TNFRSF10C: variants seen among roughly 807,000 people sequenced by gnomAD.
The protein encoded by TNFRSF10C is TNF receptor superfamily member 10c.
Under a neutral mutation model 16.7 loss-of-function variants are expected in TNFRSF10C, and 17 were observed. The ratio of observed to expected loss-of-function variants is 1.02; its 90% CI spans 0.70 to 1.53. The LOEUF is 1.53. TNFRSF10C is among the 40% of genes most tolerant of loss of function. The pLI is 0.00. For synonymous variants in TNFRSF10C, 73 were observed against 119.7 expected, an observed-to-expected ratio of 0.61 and a Z score of 2.55; for missense variants, 237 against 329.7, an observed-to-expected ratio of 0.72 and a Z score of 2.18.
At chr8:23,113,129 T>C (rs997352476) in intron 2 of TNFRSF10C, among the ~76,000 whole-genome samples, 7 of 152,232 alleles carry the variant, frequency 4.6e-5, no homozygotes, top group Non-Finnish European at 1.0e-4. Flanking sequence ...CCCACGCCCA[T>C]GTATCCATTT....
At chr8:23,115,388 A>AGGG in intron 3 of TNFRSF10C, 120 bp from the exon 4 acceptor site, 1 of 716,216 alleles carries the variant, frequency 1.4e-6, no homozygotes. Context: ...TGGTGCAGAA[A>AGGG]CTGGCCCTTA....
At position 23,115,664 on chromosome 8, in the gene TNFRSF10C, G is replaced by T. The variant is rs375537118; in HGVS notation, c.389+48G>T. 51 of 1,494,134 alleles carry T rather than the reference G, an allele frequency of 3.4e-5. 1 individual carries two copies. The South Asian group carries it at 5.5e-4, about 16-fold the overall frequency. 92.6% of individuals were successfully genotyped at this position (1,494,134 alleles called of 1,614,324 possible). A position where few individuals can be genotyped will look rare whatever the true frequency, so the allele number is the denominator to read the frequency against. ...CTGACAGCTTTCAGGAACCCGAGAAGACCTGAGTCACCTGGTACCCCTATT... is the reference window on the plus strand; with the variant it reads ...CTGACAGCTTTCAGGAACCCGAGAATACCTGAGTCACCTGGTACCCCTATT... On this transcript the variant is annotated intron_variant, in intron 4 of 4. Transcript: ENST00000356864.
At chr8:23,103,460 G>A in intron 1 of TNFRSF10C, 1 of 592,226 alleles carries the variant, frequency 1.7e-6, no homozygotes, top group Non-Finnish European at 3.0e-6. Context: ...AGTCAAGGTG[G>A]AACCCATAGA....
chr8:23,115,758 GC>G, intron 4 of TNFRSF10C, 142 bp downstream of exon 4: 1 of 591,170 alleles, frequency 1.7e-6, no homozygotes. Context: ...TCTTGGGTCT[GC>G]AGTGGCCGCT....
chr8:23,110,033 C>T (rs957561846), intron 1 of TNFRSF10C, among the ~76,000 whole-genome samples: 1 of 123,514 alleles, frequency 8.1e-6, no homozygotes, highest in East Asian at 2.7e-4. Context: ...CTGCACTCTG[C>T]GCTCCAACAT....
Position 23,117,136 on chromosome 8 carries a change from G to A in TNFRSF10C, c.*105G>A. ...ACTCTCTGCCCTGCCTCCCTCTGCT[G>A]TGTTCCCACAGACAGAAACGCCTGC... is the stretch of plus-strand genomic sequence containing the variant. On this transcript the variant is annotated 3_prime_UTR_variant, in exon 5 of 5. Coordinates refer to ENST00000356864, the MANE Select transcript of TNFRSF10C (RefSeq NM_003841.5). 3 of 1,506,352 alleles carry A rather than the reference G, an allele frequency of 2.0e-6. No homozygotes were observed. The highest frequency in any genetic ancestry group is 1.8e-6 in the Non-Finnish European group (2 of 1,126,076). 93.3% of individuals were successfully genotyped at this position (1,506,352 alleles called of 1,614,324 possible).
At chr8:23,103,993 AGTTT>A (rs1813720536) in intron 1 of TNFRSF10C, among the ~76,000 whole-genome samples, 1 of 152,276 alleles carries the variant, frequency 6.6e-6, no homozygotes, top group Non-Finnish European at 1.5e-5. Context: ...AAACCATGAG[AGTTT>A]GCATGTTGTC....
chr8:23,108,627 T>TA (rs1211779468), intron 1 of TNFRSF10C, among the ~76,000 whole-genome samples: 6 of 152,246 alleles, frequency 3.9e-5, no homozygotes, highest in African/African-American at 1.4e-4. Context: ...ACAAATTGTA[T>TA]ATGCCTAGTA....
Position 23,117,139 on chromosome 8 carries a change from T to C in TNFRSF10C, c.*108T>C. On this transcript the variant is annotated 3_prime_UTR_variant, in exon 5 of 5. Coordinates refer to ENST00000356864, the MANE Select transcript of TNFRSF10C (RefSeq NM_003841.5). ...CTCTGCCCTGCCTCCCTCTGCTGTG[T>C]TCCCACAGACAGAAACGCCTGCCCC... 1 of 1,499,554 alleles carries C rather than the reference T, an allele frequency of 6.7e-7. No individual in the cohort carries two copies. Among genetic ancestry groups the C allele is most frequent in the East Asian group, 2.3e-5 (1 of 44,274 alleles). The allele number at this position is 1,499,554 out of a possible 1,614,324, so 92.9% of individuals were successfully genotyped here. A position where few individuals can be genotyped will look rare whatever the true frequency, so the allele number is the denominator to read the frequency against.
In TNFRSF10C at chr8:23,103,061, GC is replaced by G; in HGVS notation, c.-59del. The G allele has an allele frequency of 6.3e-7, 1 of 1,584,500 alleles. No homozygotes were observed. ...GGAACTCTGGGGACAGAGCGCCCCG[GC>G]CGCCTGATGGCCGAGGCAGGGTGCG... On this transcript the variant is annotated 5_prime_UTR_variant, in exon 1 of 5. Coordinates refer to ENST00000356864, the MANE Select transcript of TNFRSF10C (RefSeq NM_003841.5).
At position 23,115,636 on chromosome 8, in the gene TNFRSF10C, C is replaced by T; in HGVS notation, c.389+20C>T. On this transcript the variant is annotated intron_variant, in intron 4 of 4. Transcript: ENST00000356864. ...TAGCAGGTGAGACAGCAGTCAGGGGCTCCTGACAGCTTTCAGGAACCCGAG... is the reference window on the plus strand; with the variant it reads ...TAGCAGGTGAGACAGCAGTCAGGGGTTCCTGACAGCTTTCAGGAACCCGAG... 1.3e-6 allele frequency: 2 copies of T among 1,597,122 alleles called. No homozygotes were observed. Among genetic ancestry groups the T allele is most frequent in the Non-Finnish European group, 1.7e-6 (2 of 1,166,346 alleles).
chr8:23,111,517 ATTTTT>A (rs5890089), intron 1 of TNFRSF10C, among the ~76,000 whole-genome samples, 198 bp from the exon 2 acceptor site: 1 of 147,996 alleles, frequency 6.8e-6, no homozygotes, highest in Non-Finnish European at 1.5e-5. Context: ...GCTTGCCTGT[ATTTTT>A]TTTTTTTTTT....
intron 3 of TNFRSF10C, among the ~76,000 whole-genome samples, chr8:23,115,029 T>C (rs1052005912): frequency 2.0e-5 from 3 of 152,138 alleles, no homozygotes; most frequent in African/African-American, 7.2e-5. Flanking sequence ...CCTGGCCCAG[T>C]GGACAGGGCT....
intron 1 of TNFRSF10C, among the ~76,000 whole-genome samples, chr8:23,105,565 C>T (rs1405914931): frequency 6.6e-6 from 1 of 152,212 alleles, no homozygotes; most frequent in East Asian, 1.9e-4. Context: ...TCCAGTTGTC[C>T]TTCTGGTAGG....
chr8:23,103,252 A>T, intron 1 of TNFRSF10C, 71 bp downstream of exon 1: 1 of 1,570,294 alleles, frequency 6.4e-7, no homozygotes, highest in Non-Finnish European at 8.6e-7. Flanking sequence ...GGAGACGGGG[A>T]CACGGCAGGG....
intron 1 of TNFRSF10C, chr8:23,103,558 A>C: frequency 3.6e-6 from 1 of 276,478 alleles, no homozygotes; most frequent in African/African-American, 2.2e-5. Context: ...ACATTCTTAA[A>C]CGTGTTCCTT....
Position 23,103,020 on chromosome 8 carries a change from C to T in TNFRSF10C, c.-102C>T. 1 of 1,554,816 alleles carries T rather than the reference C, an allele frequency of 6.4e-7. No individual in the cohort carries two copies. The highest frequency in any genetic ancestry group is 8.7e-7 in the Non-Finnish European group (1 of 1,148,624). The stretch of plus-strand genomic sequence containing the variant: ...ACCAGAGATGCAAGGGGTGAAGGAG[C>T]GCTTCCTACCGTTAGGGAACTCTGG... On this transcript the variant is annotated 5_prime_UTR_variant, in exon 1 of 5. Transcript: ENST00000356864.
chr8:23,103,175 G>C lies in TNFRSF10C; in HGVS notation c.54G>C (p.Leu18=), dbSNP rs1813698481. The C allele has an allele frequency of 6.2e-7, 1 of 1,610,998 alleles. No individual in the cohort carries two copies. The highest frequency in any genetic ancestry group is 1.1e-5 in the South Asian group (1 of 90,364). The change falls in exon 1 of 5, where the codon CTG becomes CTC. Residue 18 remains leucine, a synonymous_variant. Transcript: ENST00000356864. The part of the protein sequence containing the change: ...LKFVVVIVAV[L]LPVLAYSATT... Reference sequence around the variant, plus strand: ...TCGTCGTCGTCATCGTCGCGGTCCTGCTGCCAGTGAGTCCCGGCCGCGGTC... The same window carrying C: ...TCGTCGTCGTCATCGTCGCGGTCCTCCTGCCAGTGAGTCCCGGCCGCGGTC...
Position 23,114,780 on chromosome 8 carries a change from G to A in TNFRSF10C, c.280+10G>A. On this transcript the variant is annotated intron_variant, in intron 3 of 4. Transcript: ENST00000356864. ...ACAGTTTGTAAATCAGGTACAGAAT[G>A]TGTGGACCTCTTGTCCAGAGGTGGA... 2 of 1,609,828 alleles carry A rather than the reference G, an allele frequency of 1.2e-6. No individual in the cohort carries two copies. The highest frequency in any genetic ancestry group is 2.7e-5 in the African/African-American group (2 of 74,978).
Sources: gnomAD v4.1 joint callset for allele counts (sites outside exome capture counted in the v4.1 genomes callset) on GRCh38, gnomAD v4.1.1 for gene constraint, MANE v1.5 for transcripts, NCBI Gene and HGNC (gene_info 2026-07-23, HGNC 2026-07-21) for gene names.